NAALADL2: variants seen among roughly 807,000 people sequenced by gnomAD.
NAALADL2 encodes inactive N-acetylated-alpha-linked acidic dipeptidase-like protein 2.
Under a neutral mutation model 87.2 loss-of-function variants are expected in NAALADL2, and 76 were observed. The observed-to-expected ratio is 0.87, with a 90% CI of 0.72 to 1.05. The LOEUF is 1.05. Among genes scored for constraint, NAALADL2 ranks in the 50% least tolerant of loss-of-function variants. The probability of loss-of-function intolerance (pLI) is 0.00; values close to 1 mark genes in which losing one functional copy is unlikely to be tolerated. For missense variants in NAALADL2, 1,089 were observed against 945.8 expected (o/e 1.15, Z -1.99); for synonymous variants, 354 against 331.0 (o/e 1.07, Z -0.75).
chr3:174,877,798 G>A (rs951327618), intron 1 of NAALADL2, among the ~76,000 whole-genome samples: 7 of 152,108 alleles, frequency 4.6e-5, no homozygotes, highest in African/African-American at 1.7e-4. Context: ...CTGAAAGTAC[G>A]GAAGGGTTTT....
chr3:175,509,318 G>T (rs1027107217), intron 9 of NAALADL2, among the ~76,000 whole-genome samples: 1 of 152,126 alleles, frequency 6.6e-6, no homozygotes, highest in African/African-American at 2.4e-5. Flanking sequence ...CCTACCATCA[G>T]ACTTGCATGA....
At chr3:175,371,356 C>T (rs1398251724) in intron 5 of NAALADL2, among the ~76,000 whole-genome samples, 1 of 151,958 alleles carries the variant, frequency 6.6e-6, no homozygotes, top group Non-Finnish European at 1.5e-5. Context: ...CAAGCTCCGC[C>T]CCCCGGGTTC....
chr3:175,306,482 G>T (rs1447115712), intron 4 of NAALADL2, among the ~76,000 whole-genome samples: 12 of 152,052 alleles, frequency 7.9e-5, no homozygotes, highest in Non-Finnish European at 2.9e-5. Context: ...TTTGTCTCCA[G>T]ACACCTCCAA....
Position 175,055,315 on chromosome 3 carries a change from C to T in NAALADL2, c.44-41475C>T, listed in dbSNP as rs145209544. Among the ~76,000 whole-genome samples, 1,340 of 152,308 alleles carry T rather than the reference C, an allele frequency of 8.8e-3. 14 individuals are homozygous for T. Among genetic ancestry groups the T allele is most frequent in the African/African-American group, 0.031 (1,275 of 41,566 alleles). ...AGTAGATATAACAATTTGAATTTCC[C>T]CATTGTAATCTGAGTCAATGAATCC... On this transcript the variant is annotated intron_variant, in intron 1 of 13. Coordinates refer to ENST00000454872, the MANE Select transcript of NAALADL2 (RefSeq NM_207015.3).
intron 3 of NAALADL2, among the ~76,000 whole-genome samples, chr3:174,849,078 C>T (rs925946999): frequency 1.3e-5 from 2 of 152,078 alleles, no homozygotes; most frequent in Admixed American, 6.5e-5. Flanking sequence ...AGGGCCCTTA[C>T]CATGAATGGA....
At chr3:175,591,445 A>T (rs4555528) in intron 10 of NAALADL2, among the ~76,000 whole-genome samples, 97,402 of 150,144 alleles carry the variant, frequency 0.65, 33,290 homozygotes, top group East Asian at 0.85. Flanking sequence ...ACAGAAAATA[A>T]TTTTTTTTTT....
intron 2 of NAALADL2, among the ~76,000 whole-genome samples, chr3:175,200,345 T>C (rs1206577036): frequency 6.6e-6 from 1 of 152,088 alleles, no homozygotes; most frequent in African/African-American, 2.4e-5. Context: ...TCTCACTAGG[T>C]TAACTAATTT....
rs200287409 is a variant in NAALADL2 at position 175,443,427 on chromosome 3, A to G, written c.1091-3802A>G. ...ATCTTAAAGATGATTTTATTTATTT[A>G]AAGACTTTTTATCTACAAAACTTAA... On this transcript the variant is annotated intron_variant, in intron 5 of 13. Transcript: ENST00000454872. 1.6e-4 allele frequency among the ~76,000 whole-genome samples: 24 copies of G among 152,316 alleles called. No individual in the cohort carries two copies. In the East Asian group the frequency reaches 4.6e-3, roughly 29 times the overall value.
At chr3:175,485,336 A>C (rs754393365) in intron 9 of NAALADL2, among the ~76,000 whole-genome samples, 2 of 152,108 alleles carry the variant, frequency 1.3e-5, no homozygotes, top group African/African-American at 2.4e-5. Context: ...CACAGCGACA[A>C]AACTAATAGG....
intron 13 of NAALADL2, among the ~76,000 whole-genome samples, chr3:175,759,917 T>G (rs1338489321): frequency 6.6e-6 from 1 of 152,166 alleles, no homozygotes; most frequent in Admixed American, 6.5e-5. Flanking sequence ...TCATTTTTCA[T>G]GGACACAAAA....
intron 2 of NAALADL2, among the ~76,000 whole-genome samples, chr3:174,570,763 C>T (rs1250041390): frequency 6.6e-6 from 1 of 152,092 alleles, no homozygotes; most frequent in Non-Finnish European, 1.5e-5. Flanking sequence ...ATTATATTTC[C>T]ATCCTAACTA....
intron 11 of NAALADL2, among the ~76,000 whole-genome samples, chr3:175,632,325 T>A (rs1727906347): frequency 6.7e-6 from 1 of 149,294 alleles, no homozygotes; most frequent in Non-Finnish European, 1.5e-5. Context: ...TCCCTAATGG[T>A]AAGATACACT....
chr3:175,243,992 AACTGGGACTG>A (rs1348719337), intron 3 of NAALADL2, among the ~76,000 whole-genome samples: 7 of 152,266 alleles, frequency 4.6e-5, no homozygotes, highest in Admixed American at 6.5e-5. Flanking sequence ...CTCCTCAAGC[AACTGGGACTG>A]ACTGGCTCAC....
intron 1 of NAALADL2, among the ~76,000 whole-genome samples, chr3:175,022,979 A>C (rs1174925958): frequency 6.6e-6 from 1 of 152,030 alleles, no homozygotes; most frequent in African/African-American, 2.4e-5. Context: ...CCAGTTTCCC[A>C]GAGTTGGTTG....
chr3:174,527,670 T>C (rs1720886872), intron 1 of NAALADL2, among the ~76,000 whole-genome samples: 1 of 152,162 alleles, frequency 6.6e-6, no homozygotes, highest in East Asian at 1.9e-4. Context: ...TTTGTCTAGT[T>C]GGGAAAGTCT....
rs926712570 is a variant in NAALADL2, at chr3:174,788,094, T to C, written c.-9+50348T>C. On this transcript the variant is annotated intron_variant, in intron 3 of 3. Transcript: ENST00000434257. ...TCTAGAGAAGACTCAAAAAGAGATA[T>C]CAGGGTCTTTTGCCAAGTTACTTGA... is the stretch of plus-strand genomic sequence containing the variant. Among the ~76,000 whole-genome samples the C allele has an allele frequency of 2.6e-5, 4 of 152,112 alleles. No individual in the cohort carries two copies. In the South Asian group the frequency reaches 6.2e-4, roughly 24 times the overall value.
chr3:174,808,625 C>A (rs1719784227), intron 3 of NAALADL2, among the ~76,000 whole-genome samples: 1 of 152,124 alleles, frequency 6.6e-6, no homozygotes, highest in Non-Finnish European at 1.5e-5. Flanking sequence ...AACCTGGCCA[C>A]TAATTTTAAT....
intron 13 of NAALADL2, among the ~76,000 whole-genome samples, chr3:175,787,793 T>A (rs1021930287): frequency 1.3e-5 from 2 of 152,166 alleles, no homozygotes; most frequent in African/African-American, 4.8e-5. Flanking sequence ...TTTTCAGCAG[T>A]AAAATATGTG....
chr3:175,085,348 T>G (rs1380511551), intron 1 of NAALADL2, among the ~76,000 whole-genome samples: 1 of 152,236 alleles, frequency 6.6e-6, no homozygotes, highest in Admixed American at 6.5e-5. Flanking sequence ...TTTACCGTAG[T>G]GAAACTAGTT....
Sources: allele counts gnomAD v4.1 joint callset (sites outside exome capture counted in the v4.1 genomes callset), GRCh38; gene constraint gnomAD v4.1.1; transcripts MANE v1.5; gene names NCBI Gene and HGNC (gene_info 2026-07-23, HGNC 2026-07-21).